Variants in ARPP21 observed in about 807,000 individuals in gnomAD.
ARPP21 encodes cAMP-regulated phosphoprotein 21.
Under a neutral mutation model 113.2 loss-of-function variants are expected in ARPP21, and 69 were observed. That is an observed-to-expected ratio of 0.61 (90% confidence interval 0.50 to 0.74). The LOEUF is 0.74. Among genes scored for constraint, ARPP21 ranks in the 30% least tolerant of loss-of-function variants. ARPP21 has a pLI of 0.00. For synonymous variants in ARPP21, 368 were observed against 375.5 expected (o/e 0.98, Z 0.23); for missense variants, 1,070 against 1,037.4 (o/e 1.03, Z -0.43).
At chr3:35,743,432 G>A (rs143087617) in intron 18 of ARPP21, among the ~76,000 whole-genome samples, 65 of 152,248 alleles carry the variant, frequency 4.3e-4, no homozygotes, top group African/African-American at 1.4e-3. Flanking sequence ...ACACTTACAT[G>A]CCTGGAACTG....
At chr3:35,766,844 T>C (rs956016588) in intron 19 of ARPP21, among the ~76,000 whole-genome samples, 5 of 152,132 alleles carry the variant, frequency 3.3e-5, no homozygotes, top group African/African-American at 1.2e-4. Flanking sequence ...TGTGTGTGTG[T>C]GTGTGTGTAC....
In ARPP21 at chr3:35,744,702, C is replaced by T. The variant is rs555850390; in HGVS notation, c.2137+737C>T. ...AATTGTCATGCTGAAGACTGCCTGA[C>T]GGGGAGACTCTGCCTTCTGTAAGTA... On this transcript the variant is annotated intron_variant, in intron 19 of 20. Coordinates refer to ENST00000684406, the MANE Select transcript of ARPP21 (RefSeq NM_001385562.1). The T allele has an allele frequency of 3.1e-4, 88 of 286,558 alleles. No individual in the cohort carries two copies. In the Middle Eastern group the frequency reaches 7.2e-3, roughly 24 times the overall value. The allele number at this position is 286,558 out of a possible 1,614,324, so 17.8% of individuals were successfully genotyped here. A position where few individuals can be genotyped will look rare whatever the true frequency, so the allele number is the denominator to read the frequency against.
intron 19 of ARPP21, among the ~76,000 whole-genome samples, chr3:35,766,292 A>G (rs2095973880): frequency 6.6e-6 from 1 of 152,138 alleles, no homozygotes; most frequent in South Asian, 2.1e-4. Flanking sequence ...CACAAGTTGG[A>G]GTAGTAATGG....
At chr3:35,739,656 A>T in intron 18 of ARPP21, 79 bp downstream of exon 18, 1 of 1,489,430 alleles carries the variant, frequency 6.7e-7, no homozygotes, top group Non-Finnish European at 9.0e-7. Context: ...TGTAGAAAAT[A>T]ACCAGATTCA....
At chr3:35,767,178 C>T (rs1204114394) in intron 19 of ARPP21, among the ~76,000 whole-genome samples, 1 of 152,120 alleles carries the variant, frequency 6.6e-6, no homozygotes, top group Non-Finnish European at 1.5e-5. Flanking sequence ...TTCAATAAAT[C>T]AAGCTGTGGA....
intron 15 of ARPP21, among the ~76,000 whole-genome samples, chr3:35,730,335 T>C (rs937901001): frequency 2.6e-5 from 4 of 152,236 alleles, no homozygotes; most frequent in Non-Finnish European, 5.9e-5. Context: ...GGCATTTTTG[T>C]CTCTGGCCCC....
chr3:35,783,698 G>A (rs2096572787), intron 19 of ARPP21, among the ~76,000 whole-genome samples: 1 of 151,950 alleles, frequency 6.6e-6, no homozygotes, highest in Non-Finnish European at 1.5e-5. Flanking sequence ...ACCTTATATT[G>A]CACCTTAAGT....
At chr3:35,773,732 C>G (rs1474160254) in intron 19 of ARPP21, among the ~76,000 whole-genome samples, 2 of 152,128 alleles carry the variant, frequency 1.3e-5, no homozygotes, top group East Asian at 3.9e-4. Context: ...CAAGGGCCCT[C>G]ACCTGCTGAA....
chr3:35,726,061 A>G (rs1455273284), intron 14 of ARPP21, among the ~76,000 whole-genome samples: 1 of 152,238 alleles, frequency 6.6e-6, no homozygotes, highest in East Asian at 1.9e-4. Context: ...ATCAGTTCTC[A>G]TCTTCAAAAT....
At position 35,662,486 on chromosome 3, in the gene ARPP21, C is replaced by T. The variant is rs183193827; in HGVS notation, c.-212-17301C>T. ...TGTTTACTAAGGAGAGTTCTTGGGA[C>T]CAACCCCACAGAGGGACAGGGAGGG... is the stretch of plus-strand genomic sequence containing the variant. On this transcript the variant is annotated intron_variant, in intron 1 of 20. Transcript: ENST00000684406. Among the ~76,000 whole-genome samples, 362 of 152,136 alleles carry T rather than the reference C, an allele frequency of 2.4e-3. 5 individuals are homozygous for T. Among genetic ancestry groups the T allele is most frequent in the Admixed American group, 0.02 (302 of 15,286 alleles).
chr3:35,768,208 T>G (rs2096061428), intron 19 of ARPP21, among the ~76,000 whole-genome samples: 1 of 151,602 alleles, frequency 6.6e-6, no homozygotes, highest in African/African-American at 2.4e-5. Flanking sequence ...CTGTTTTAAG[T>G]AGATAGAATT....
At chr3:35,697,830 C>T (rs1020053498) in intron 9 of ARPP21, among the ~76,000 whole-genome samples, 12 of 151,686 alleles carry the variant, frequency 7.9e-5, no homozygotes, top group Admixed American at 6.6e-4. Flanking sequence ...CTTTTCCTTC[C>T]GTGTTTATTA....
intron 1 of ARPP21, chr3:35,641,166 T>C (rs1697942431): frequency 6.6e-6 from 1 of 152,306 alleles, no homozygotes; most frequent in Non-Finnish European, 1.5e-5. Flanking sequence ...AAGAATGTGT[T>C]TAGAGTACAG....
chr3:35,653,792 T>C (rs560196909), intron 1 of ARPP21, among the ~76,000 whole-genome samples: 6 of 152,220 alleles, frequency 3.9e-5, no homozygotes, highest in South Asian at 2.1e-4. Flanking sequence ...CATTAAAACA[T>C]TGAAACTTCT....
chr3:35,745,896 G>C (rs535648494), intron 19 of ARPP21, among the ~76,000 whole-genome samples: 2 of 152,144 alleles, frequency 1.3e-5, no homozygotes, highest in East Asian at 3.9e-4. Context: ...CCACATCACC[G>C]CAAAAATGAC....
chr3:35,766,972 G>A (rs1009571650), intron 19 of ARPP21, among the ~76,000 whole-genome samples: 2 of 152,160 alleles, frequency 1.3e-5, no homozygotes, highest in Non-Finnish European at 1.5e-5. Flanking sequence ...TACTATAATG[G>A]TGTGAGCATT....
chr3:35,685,822 C>T (rs1035324682), intron 5 of ARPP21: 15 of 802,246 alleles, frequency 1.9e-5, no homozygotes, highest in Non-Finnish European at 2.1e-5. Flanking sequence ...TATTTATTAA[C>T]ACTTGTATTT....
At chr3:35,656,555 C>G (rs181682389) in intron 1 of ARPP21, among the ~76,000 whole-genome samples, 5 of 152,078 alleles carry the variant, frequency 3.3e-5, no homozygotes, top group Non-Finnish European at 5.9e-5. Context: ...TGAAAGAAGC[C>G]AATCTCAAGT....
rs753251836 is a variant in ARPP21 at position 35,684,056 on chromosome 3, A to G, written c.261+241A>G. On this transcript the variant is annotated intron_variant, in intron 5 of 20. Transcript: ENST00000684406. The stretch of plus-strand genomic sequence containing the variant: ...AACTGCAAATGGAAAGGAATTCAAA[A>G]GAATTTAGATTAAAAGTTAAATAAA... 10 of 1,597,312 alleles carry G rather than the reference A, an allele frequency of 6.3e-6. No individual in the cohort carries two copies. In the African/African-American group the frequency reaches 9.5e-5, roughly 15 times the overall value.
Sources: allele counts gnomAD v4.1 joint callset (sites outside exome capture counted in the v4.1 genomes callset), GRCh38; gene constraint gnomAD v4.1.1; transcripts MANE v1.5; gene names NCBI Gene and HGNC (gene_info 2026-07-23, HGNC 2026-07-21).